TRIP4: variants seen among roughly 807,000 people sequenced by gnomAD.
TRIP4 encodes the protein thyroid hormone receptor interactor 4.
Under a neutral mutation model 81.8 loss-of-function variants are expected in TRIP4, and 54 were observed. The observed-to-expected ratio is 0.66, with a 90% confidence interval of 0.53 to 0.83. The LOEUF is 0.83. TRIP4 is among the 40% of genes least tolerant of loss of function. TRIP4 has a pLI of 0.00. For missense variants in TRIP4, 662 were observed against 683.6 expected (o/e 0.97, Z 0.35); for synonymous variants, 270 against 242.8 (o/e 1.11, Z -1.04).
At chr15:64,421,720 C>T (rs1461621190) in intron 9 of TRIP4, among the ~76,000 whole-genome samples, 1 of 152,132 alleles carries the variant, frequency 6.6e-6, no homozygotes, top group African/African-American at 2.4e-5. Flanking sequence ...GTATTCTGTA[C>T]AGTAACATGC....
At chr15:64,398,337 G>T (rs574224696) in intron 4 of TRIP4, among the ~76,000 whole-genome samples, 8 of 150,688 alleles carry the variant, frequency 5.3e-5, no homozygotes, top group Admixed American at 4.6e-4. Context: ...GGAAGCCAAG[G>T]TGGGTTTTGG....
intron 11 of TRIP4, among the ~76,000 whole-genome samples, chr15:64,425,912 T>C (rs1440203168): frequency 1.3e-5 from 2 of 152,070 alleles, no homozygotes; most frequent in Non-Finnish European, 2.9e-5. Flanking sequence ...TGAAACCCCA[T>C]CTCTACTAAA....
chr15:64,408,483 TCTCCTGAC>T (rs1451613293), intron 6 of TRIP4, among the ~76,000 whole-genome samples: 1 of 151,326 alleles, frequency 6.6e-6, no homozygotes, highest in African/African-American at 2.4e-5. Flanking sequence ...ATGGTCTCGA[TCTCCTGAC>T]CTTGTGATCC....
At chr15:64,390,744 A>T (rs1428815248) in intron 1 of TRIP4, among the ~76,000 whole-genome samples, 1 of 151,936 alleles carries the variant, frequency 6.6e-6, no homozygotes, top group Non-Finnish European at 1.5e-5. Flanking sequence ...TACAAAAAAA[A>T]ATTAGCCAGG....
At chr15:64,399,637 G>A (rs1444452910) in intron 4 of TRIP4, among the ~76,000 whole-genome samples, 1 of 152,018 alleles carries the variant, frequency 6.6e-6, no homozygotes, top group Admixed American at 6.6e-5. Context: ...GAGTAGCTGG[G>A]ATTACAGGTG....
chr15:64,402,326 G>A (rs1288628563), intron 5 of TRIP4, among the ~76,000 whole-genome samples: 4 of 151,038 alleles, frequency 2.6e-5, no homozygotes, highest in Admixed American at 6.6e-5. Context: ...AGGTTCAAGC[G>A]ATTCTTCTGC....
chr15:64,394,055 T>C lies in TRIP4; in HGVS notation c.211T>C (p.Trp71Arg). The C allele has an allele frequency of 6.2e-7, 1 of 1,610,944 alleles. No homozygotes were observed. Among genetic ancestry groups the C allele is most frequent in the Non-Finnish European group, 8.5e-7 (1 of 1,178,596 alleles). ...ATTCATAGAAGAACTTATAACCAAA[T>C]GGCAAAAGAATGATCAGGAGTTGAT... ...GQFIEELITKWQKNDQELISD... is the reference protein window; with the variant it reads ...GQFIEELITKRQKNDQELISD... Residue 71 changes from tryptophan (W) to arginine (R), a missense_variant, in exon 2 of 13, where the codon TGG becomes CGG. Trp to Arg is a moderately radical substitution (Grantham distance 101). Transcript: ENST00000261884.
At chr15:64,398,982 C>G (rs113484096) in intron 4 of TRIP4, among the ~76,000 whole-genome samples, 6,490 of 126,000 alleles carry the variant, frequency 0.052, 195 homozygotes, top group South Asian at 0.09. Flanking sequence ...CGGAGTCTCA[C>G]TCTGTCGCCC....
At chr15:64,395,261 A>T (rs1347655469) in intron 2 of TRIP4, 137 bp from the exon 3 acceptor site, 1 of 704,358 alleles carries the variant, frequency 1.4e-6, no homozygotes, top group African/African-American at 1.8e-5. Context: ...TGACAGGAAA[A>T]GATAATTAAA....
At position 64,406,319 on chromosome 15, in the gene TRIP4, T is replaced by A. The variant is rs1000268737; in HGVS notation, c.698-11T>A. On this transcript the variant is annotated splice_polypyrimidine_tract_variant and intron_variant, in intron 5 of 12. Transcript: ENST00000261884. ...AGGCTGACACCATTTGACTTCCTTA[T>A]TGAATTTCAGGAGTGGAGAATTCTG... 1.2e-6 allele frequency: 2 copies of A among 1,612,424 alleles called. No homozygotes were observed. The highest frequency in any genetic ancestry group is 2.2e-5 in the South Asian group (2 of 90,686).
chr15:64,425,407 ACT>A (rs1892118706), intron 10 of TRIP4, 131 bp from the exon 11 acceptor site: 1 of 798,064 alleles, frequency 1.3e-6, no homozygotes. Flanking sequence ...AGTAAATTTC[ACT>A]GTTTTCCTTA....
rs768596073 is a variant in TRIP4, at chr15:64,397,835, C to T, written c.618+17C>T. 1.4e-5 allele frequency: 22 copies of T among 1,612,164 alleles called. No homozygotes were observed. Among genetic ancestry groups the T allele is most frequent in the Non-Finnish European group, 1.8e-5 (21 of 1,178,690 alleles). Reference sequence around the variant, plus strand: ...GGCACTCTGGTAAATTATTTCTTTTCTATTTTATTTTACTGTGCTTTGTGT... The same window carrying T: ...GGCACTCTGGTAAATTATTTCTTTTTTATTTTATTTTACTGTGCTTTGTGT... On this transcript the variant is annotated intron_variant, in intron 4 of 12. Coordinates refer to ENST00000261884, the MANE Select transcript of TRIP4 (RefSeq NM_016213.5).
At position 64,409,512 on chromosome 15, in the gene TRIP4, G is replaced by A. The variant is rs533414537; in HGVS notation, c.828-101G>A. 1.2e-4 allele frequency: 139 copies of A among 1,114,464 alleles called. No homozygotes were observed. In the African/African-American group the frequency reaches 2.1e-3, roughly 17 times the overall value. The allele number at this position is 1,114,464 out of a possible 1,614,324, so 69.0% of individuals were successfully genotyped here. On this transcript the variant is annotated intron_variant, in intron 6 of 12. Transcript: ENST00000261884. ...ATATGCAGAGCTTGACCTGATTTTGGAACATATTTGAGATATTAAGTTACC... is the reference window on the plus strand; with the variant it reads ...ATATGCAGAGCTTGACCTGATTTTGAAACATATTTGAGATATTAAGTTACC...
chr15:64,393,259 C>G (rs1162547304), intron 1 of TRIP4: 1 of 150,594 alleles, frequency 6.6e-6, no homozygotes, highest in East Asian at 2.0e-4. Flanking sequence ...ACACCATTCT[C>G]CTGCCTCAGC....
intron 12 of TRIP4, among the ~76,000 whole-genome samples, chr15:64,446,263 A>T (rs1244038960): frequency 6.6e-6 from 1 of 151,904 alleles, no homozygotes; most frequent in Non-Finnish European, 1.5e-5. Flanking sequence ...AACAAGAGCG[A>T]AACTCCATCT....
intron 11 of TRIP4, among the ~76,000 whole-genome samples, chr15:64,431,015 G>T (rs964732805): frequency 1.2e-4 from 18 of 152,158 alleles, no homozygotes; most frequent in Admixed American, 1.1e-3. Flanking sequence ...AAGCAACATA[G>T]ATCTTCAGGA....
At chr15:64,451,308 T>C (rs1031881930) in intron 12 of TRIP4, among the ~76,000 whole-genome samples, 2 of 151,798 alleles carry the variant, frequency 1.3e-5, no homozygotes, top group Non-Finnish European at 2.9e-5. Context: ...AGACGGGGTT[T>C]CGCCATGTTG....
At chr15:64,418,868 A>G (rs1174342018) in intron 9 of TRIP4, 140 bp downstream of exon 9, 1 of 766,018 alleles carries the variant, frequency 1.3e-6, no homozygotes, top group East Asian at 3.0e-5. Context: ...TGAACAACAT[A>G]TTCATGTTAC....
At chr15:64,412,625 AT>A (rs1172583644) in intron 7 of TRIP4, among the ~76,000 whole-genome samples, 10 of 142,846 alleles carry the variant, frequency 7.0e-5, no homozygotes, top group Non-Finnish European at 1.5e-4. Context: ...TGCCTTATAT[AT>A]GAGGTATTCC....
Sources: gnomAD v4.1 joint callset for allele counts (sites outside exome capture counted in the v4.1 genomes callset) on GRCh38, gnomAD v4.1.1 for gene constraint, MANE v1.5 for transcripts, NCBI Gene and HGNC (gene_info 2026-07-23, HGNC 2026-07-21) for gene names.